The following PIGN variants were observed in gnomAD, a reference collection of about 807,000 sequenced individuals.
PIGN encodes the protein phosphatidylinositol glycan anchor biosynthesis class N, also known as GPI ethanolamine phosphate transferase 1.
In PIGN, 117 loss-of-function variants were observed where a neutral mutation model predicts 125.4. The ratio of observed to expected loss-of-function variants is 0.93; its 90% CI spans 0.80 to 1.09. PIGN has a LOEUF of 1.09. Ranked by LOEUF, PIGN falls within the 50% of genes least tolerant of loss-of-function variation. The pLI, the probability that PIGN is intolerant of heterozygous loss-of-function variation, is 0.00. For synonymous variants in PIGN, 392 were observed against 377.8 expected (o/e 1.04, Z -0.44); for missense variants, 1,075 against 1,094.9 (o/e 0.98, Z 0.26).
chr18:62,182,466 T>C (rs2037752697), intron 1 of PIGN, among the ~76,000 whole-genome samples: 3 of 152,216 alleles, frequency 2.0e-5, no homozygotes, highest in Admixed American at 2.0e-4. Context: ...ATAGGCATTG[T>C]TCTTTACACC....
downstream of PIGN, among the ~76,000 whole-genome samples, chr18:62,040,216 C>T (rs1184319805): frequency 8.0e-6 from 1 of 124,544 alleles, no homozygotes; most frequent in Non-Finnish European, 1.7e-5. Flanking sequence ...TCCAGGGTGC[C>T]GCACATCATG....
intron 14 of PIGN, among the ~76,000 whole-genome samples, chr18:62,131,899 A>C (rs775302983): frequency 3.3e-5 from 5 of 152,194 alleles, no homozygotes; most frequent in Non-Finnish European, 7.4e-5. Flanking sequence ...AATGCTGGTG[A>C]AATTAATCAT....
rs534161913 is a variant in PIGN at position 62,043,324 on chromosome 18, C to T, written c.*2532G>A. On this transcript the variant is annotated 3_prime_UTR_variant, in exon 31 of 31. Coordinates refer to ENST00000640252, the MANE Select transcript of PIGN (RefSeq NM_176787.5). Reference sequence around the variant, plus strand: ...CGCAATCTCCTTCATTCCCTCTAGGCCAGCTTCATCAGAAATCATGTTTTT... The same window carrying T: ...CGCAATCTCCTTCATTCCCTCTAGGTCAGCTTCATCAGAAATCATGTTTTT... The T allele has an allele frequency of 6.6e-6, 1 of 152,184 alleles. No homozygotes were observed. Among genetic ancestry groups the T allele is most frequent in the African/African-American group, 2.4e-5 (1 of 41,528 alleles). 9.4% of individuals were successfully genotyped at this position (152,184 alleles called of 1,614,324 possible). A position where few individuals can be genotyped will look rare whatever the true frequency, so the allele number is the denominator to read the frequency against.
chr18:62,017,904 G>A (rs1017114622), intron 23 of PIGN, among the ~76,000 whole-genome samples: 1 of 151,804 alleles, frequency 6.6e-6, no homozygotes, highest in Non-Finnish European at 1.5e-5. Context: ...CATTTTATCG[G>A]GCATATTACC....
chr18:62,071,580 T>A (rs1046419825), intron 30 of PIGN, among the ~76,000 whole-genome samples: 8 of 152,158 alleles, frequency 5.3e-5, no homozygotes, highest in Non-Finnish European at 1.0e-4. Context: ...ATGCACCACA[T>A]AATGATGTTT....
rs185177197 is a variant in PIGN at position 62,060,082 on chromosome 18, C to G, written c.2672+12591G>C. ...CTGACTCTTGGCTCATGTAAGCTAA[C>G]ATAATTGGCAGGAAACAGTTGTGAA... On this transcript the variant is annotated intron_variant, in intron 30 of 30. Coordinates refer to ENST00000640252, the MANE Select transcript of PIGN (RefSeq NM_176787.5). 9.7e-4 allele frequency among the ~76,000 whole-genome samples: 147 copies of G among 152,300 alleles called. 1 individual carries two copies. The highest frequency in any genetic ancestry group is 3.4e-3 in the African/African-American group (143 of 41,572).
At chr18:62,098,026 G>C (rs192103035) in intron 22 of PIGN, among the ~76,000 whole-genome samples, 1 of 152,282 alleles carries the variant, frequency 6.6e-6, no homozygotes, top group East Asian at 1.9e-4. Context: ...TATAGGGCAA[G>C]TTCATTAACT....
chr18:62,098,959 T>C (rs1157120041), intron 22 of PIGN, among the ~76,000 whole-genome samples: 1 of 152,084 alleles, frequency 6.6e-6, no homozygotes, highest in South Asian at 2.1e-4. Flanking sequence ...AAACACTGCA[T>C]AATGTACAAG....
intron 14 of PIGN, among the ~76,000 whole-genome samples, chr18:62,127,544 A>G (rs1691979196): frequency 6.6e-6 from 1 of 152,200 alleles, no homozygotes; most frequent in South Asian, 2.1e-4. Context: ...GAATTAAATG[A>G]GCGAACACTG....
At chr18:62,032,916 A>G (rs73964836) in intron 23 of PIGN, among the ~76,000 whole-genome samples, 8,446 of 152,330 alleles carry the variant, frequency 0.055, 803 homozygotes, top group African/African-American at 0.19. Context: ...GAAGAGATAC[A>G]AACACATTCA....
chr18:62,096,258 G>A (rs1481934241), intron 22 of PIGN, among the ~76,000 whole-genome samples: 14 of 151,874 alleles, frequency 9.2e-5, no homozygotes. Context: ...TTGCACCACT[G>A]CACTCCAGCC....
chr18:62,100,938 G>T, intron 22 of PIGN, 137 bp downstream of exon 22: 1 of 654,282 alleles, frequency 1.5e-6, no homozygotes, highest in Non-Finnish European at 2.7e-6. Flanking sequence ...GCAAGAGATA[G>T]AAATAATAGC....
intron 1 of PIGN, among the ~76,000 whole-genome samples, chr18:62,177,758 T>C (rs965004958): frequency 4.6e-5 from 7 of 152,246 alleles, no homozygotes; most frequent in African/African-American, 1.7e-4. Flanking sequence ...CTTTTGTTTA[T>C]GGTCATTAAA....
chr18:62,060,072 T>C (rs935602882), intron 30 of PIGN, among the ~76,000 whole-genome samples: 14 of 152,234 alleles, frequency 9.2e-5, no homozygotes, highest in African/African-American at 3.4e-4. Context: ...TCTTGGCTCA[T>C]GTAAGCTAAC....
Position 62,019,924 on chromosome 18 carries a change from C to T in PIGN, c.2143-2183G>A, listed in dbSNP as rs576436997. On this transcript the variant is annotated intron_variant, in intron 23 of 24. Coordinates refer to the PIGN transcript ENST00000639600. ...CACAGGGAGGAAGCCCAGCATAGCA[C>T]AGCGTTGCTGCTGAACTGAGGAGAC... 3.3e-5 allele frequency among the ~76,000 whole-genome samples: 5 copies of T among 152,366 alleles called. No homozygotes were observed. In the East Asian group the frequency reaches 5.8e-4, roughly 18 times the overall value.
At chr18:62,157,890 A>G in intron 4 of PIGN, 82 bp from the exon 5 acceptor site, 1 of 1,312,586 alleles carries the variant, frequency 7.6e-7, no homozygotes, top group South Asian at 1.5e-5. Flanking sequence ...TAAGATTATT[A>G]CAGAAGGAAT....
chr18:62,154,147 A>T (rs576803522), intron 7 of PIGN: 118 of 205,770 alleles, frequency 5.7e-4, no homozygotes, highest in African/African-American at 2.6e-3. Flanking sequence ...AGTATTTTTT[A>T]AAAAATCATC....
chr18:62,017,696 C>T (rs2029998007), exon 24 of PIGN: 1 of 152,004 alleles, frequency 6.6e-6, no homozygotes, highest in Non-Finnish European at 1.5e-5. Flanking sequence ...TGAGATGTTT[C>T]CTACACCTCC....
rs763314400 is a variant in PIGN at position 62,102,886 on chromosome 18, G to A, written c.1876C>T (p.Leu626=). 1.9e-6 allele frequency: 3 copies of A among 1,578,258 alleles called. No individual in the cohort carries two copies. The highest frequency in any genetic ancestry group is 2.6e-6 in the Non-Finnish European group (3 of 1,160,278). ...ACACACAGGGATAACAGAAGAACCA[G>A]CAAGCCTGCACCCATCCTGTTTTGA... ...DISLVMGAGL[L]VLLLSLCVVT... Residue 626 remains leucine, a synonymous_variant, in exon 21 of 31, where the codon CTG becomes TTG. Coordinates refer to ENST00000640252, the MANE Select transcript of PIGN (RefSeq NM_176787.5).
Sources: allele counts gnomAD v4.1 joint callset (sites outside exome capture counted in the v4.1 genomes callset), GRCh38; gene constraint gnomAD v4.1.1; transcripts MANE v1.5; gene names NCBI Gene and HGNC (gene_info 2026-07-23, HGNC 2026-07-21).